DIAPH3: variants seen among roughly 807,000 people sequenced by gnomAD.
DIAPH3 encodes protein diaphanous homolog 3.
A neutral mutation model predicts 144.3 loss-of-function variants in DIAPH3; 117 were observed. The observed-to-expected ratio is 0.81, with a 90% CI of 0.70 to 0.95. DIAPH3 has a LOEUF of 0.95. Among genes scored for constraint, DIAPH3 ranks in the 40% least tolerant of loss-of-function variants. DIAPH3 has a pLI of 0.00. For missense variants in DIAPH3, 1,421 were observed against 1,412.7 expected (o/e 1.01, Z -0.09); for synonymous variants, 519 against 488.9 (o/e 1.06, Z -0.81).
chr13:60,029,337 G>C (rs1230214509), intron 5 of DIAPH3, among the ~76,000 whole-genome samples: 1 of 151,968 alleles, frequency 6.6e-6, no homozygotes, highest in African/African-American at 2.4e-5. Context: ...ACTACTGCCA[G>C]AGCCTCCTAT....
At chr13:59,894,592 C>A in intron 20 of DIAPH3, among the ~76,000 whole-genome samples, 1 of 107,918 alleles carries the variant, frequency 9.3e-6, no homozygotes, top group African/African-American at 3.7e-5. Flanking sequence ...CCCTCAAAAG[C>A]ACATAAATAG....
At position 60,081,621 on chromosome 13, in the gene DIAPH3, G is replaced by C. The variant is rs549361993; in HGVS notation, c.495+12007C>G. 2.6e-5 allele frequency among the ~76,000 whole-genome samples: 4 copies of C among 152,074 alleles called. No individual in the cohort carries two copies. In the South Asian group the frequency reaches 6.2e-4, roughly 24 times the overall value. ...AAAATCAAACACCCAACAATATTGA[G>C]TGACAAAGTACCTTCTCAACAATCC... On this transcript the variant is annotated intron_variant, in intron 4 of 27. Transcript: ENST00000400324.
intron 5 of DIAPH3, among the ~76,000 whole-genome samples, chr13:60,029,099 G>A (rs73216387): frequency 0.07 from 10,526 of 150,542 alleles, 412 homozygotes; most frequent in Admixed American, 0.11. Flanking sequence ...CAAAATTCAC[G>A]GAACAAGTAA....
intron 22 of DIAPH3, among the ~76,000 whole-genome samples, chr13:59,855,182 T>A (rs748418017): frequency 5.3e-4 from 80 of 152,142 alleles, no homozygotes; most frequent in Non-Finnish European, 7.9e-4. Flanking sequence ...ACTTAAACTT[T>A]TCATGCCAAC....
At chr13:59,979,995 T>C (rs2050900081) in intron 14 of DIAPH3, among the ~76,000 whole-genome samples, 1 of 151,662 alleles carries the variant, frequency 6.6e-6, no homozygotes, top group Admixed American at 6.6e-5. Flanking sequence ...ATACCTTAAA[T>C]TTATGCCTAC....
chr13:60,060,556 G>C (rs545182821), intron 4 of DIAPH3, among the ~76,000 whole-genome samples: 2 of 152,200 alleles, frequency 1.3e-5, no homozygotes, highest in South Asian at 4.1e-4. Flanking sequence ...CAAATGAATA[G>C]ATCAAAATGA....
Position 60,017,175 on chromosome 13 carries a change from G to A in DIAPH3, c.627-1030C>T, listed in dbSNP as rs376431064. Among the ~76,000 whole-genome samples the A allele has an allele frequency of 3.3e-3, 503 of 152,106 alleles. 2 individuals are homozygous for A. The highest frequency in any genetic ancestry group is 0.011 in the African/African-American group (462 of 41,512). On this transcript the variant is annotated intron_variant, in intron 5 of 27. Transcript: ENST00000400324. ...TCCCAGCACTTTGGGAGGCAGAGGC[G>A]GGTAGATCACCTGAGGTCAGGAGTT...
chr13:60,147,231 A>G (rs1951569268), intron 1 of DIAPH3: 1 of 152,226 alleles, frequency 6.6e-6, no homozygotes, highest in Non-Finnish European at 1.5e-5. Context: ...TGTGTCTTCA[A>G]CTTGTGCAAA....
chr13:59,684,266 C>A (rs1327067767), intron 27 of DIAPH3, among the ~76,000 whole-genome samples: 10 of 152,150 alleles, frequency 6.6e-5, no homozygotes, highest in Admixed American at 2.0e-4. Flanking sequence ...CACGGAGCAA[C>A]CTTTATGTTT....
intron 21 of DIAPH3, among the ~76,000 whole-genome samples, chr13:59,873,668 C>T (rs1407426669): frequency 1.4e-5 from 2 of 143,110 alleles, no homozygotes; most frequent in Non-Finnish European, 3.0e-5. Context: ...AATATTTTCA[C>T]CACTTTTTCT....
At chr13:59,681,112 G>A (rs1223070608) in intron 27 of DIAPH3, among the ~76,000 whole-genome samples, 2 of 152,082 alleles carry the variant, frequency 1.3e-5, no homozygotes, top group African/African-American at 2.4e-5. Context: ...ATAATGGGAG[G>A]TGTTACTCCT....
intron 3 of DIAPH3, among the ~76,000 whole-genome samples, chr13:60,098,592 C>A (rs977400261): frequency 3.3e-5 from 5 of 151,782 alleles, no homozygotes; most frequent in African/African-American, 1.2e-4. Flanking sequence ...AATATAGAAA[C>A]AAATTGAACA....
chr13:59,768,898 T>C (rs1354661723), intron 27 of DIAPH3, among the ~76,000 whole-genome samples: 4 of 152,192 alleles, frequency 2.6e-5, no homozygotes, highest in Admixed American at 6.5e-5. Flanking sequence ...TCTCTAAAAA[T>C]GCATAATACT....
intron 4 of DIAPH3, among the ~76,000 whole-genome samples, chr13:60,086,059 C>CT (rs916725521): frequency 2.6e-5 from 4 of 151,814 alleles, no homozygotes; most frequent in African/African-American, 9.7e-5. Context: ...CTGATGAAGC[C>CT]TTTTTTAAAA....
Position 59,758,327 on chromosome 13 carries a change from ATG to A in DIAPH3, c.3319+15860_3319+15861del, listed in dbSNP as rs762569232. ...AATATCCACTGATAACAGGAAAAAAATGTGTGATATGCCCTTATAGTGGAATA... is the reference window on the plus strand; with the variant it reads ...AATATCCACTGATAACAGGAAAAAAATGTGATATGCCCTTATAGTGGAATA... On this transcript the variant is annotated intron_variant, in intron 27 of 27. Transcript: ENST00000400324. 3.2e-4 allele frequency among the ~76,000 whole-genome samples: 48 copies of A among 152,370 alleles called. No individual in the cohort carries two copies. In the Middle Eastern group the frequency reaches 0.01, roughly 32 times the overall value.
intron 22 of DIAPH3, among the ~76,000 whole-genome samples, chr13:59,856,788 A>G (rs1242312960): frequency 6.6e-6 from 1 of 152,186 alleles, no homozygotes; most frequent in African/African-American, 2.4e-5. Flanking sequence ...TTGACCAGTC[A>G]ATAAAAGCAA....
chr13:59,783,581 TG>T (rs1417971204), intron 25 of DIAPH3, among the ~76,000 whole-genome samples: 1 of 152,150 alleles, frequency 6.6e-6, no homozygotes, highest in Non-Finnish European at 1.5e-5. Flanking sequence ...CATAGTAAAG[TG>T]GTAGAGAACA....
At chr13:60,041,624 C>A (rs1429118842) in intron 5 of DIAPH3, among the ~76,000 whole-genome samples, 1 of 152,110 alleles carries the variant, frequency 6.6e-6, no homozygotes, top group Non-Finnish European at 1.5e-5. Context: ...AGAGCAAATT[C>A]TTCTCCATAT....
At chr13:59,827,788 A>C (rs1007240356) in intron 24 of DIAPH3, among the ~76,000 whole-genome samples, 1 of 152,018 alleles carries the variant, frequency 6.6e-6, no homozygotes, top group Non-Finnish European at 1.5e-5. Flanking sequence ...CCGTACATAC[A>C]TTATGCTTCA....
Sources: gnomAD v4.1 joint callset for allele counts (sites outside exome capture counted in the v4.1 genomes callset) on GRCh38, gnomAD v4.1.1 for gene constraint, MANE v1.5 for transcripts, NCBI Gene and HGNC (gene_info 2026-07-23, HGNC 2026-07-21) for gene names.